The following SZT2 variants were observed in gnomAD, a reference collection of about 807,000 sequenced individuals.
SZT2 encodes the protein SZT2 subunit of KICSTOR complex, also known as KICSTOR complex protein SZT2.
Under a neutral mutation model 404.2 loss-of-function variants are expected in SZT2, and 216 were observed. The observed-to-expected ratio is 0.53, with a 90% CI of 0.48 to 0.60. The LOEUF (loss-of-function observed/expected upper bound fraction) is 0.60. SZT2 is among the 20% of genes least tolerant of loss of function. SZT2 has a pLI of 0.00. For synonymous variants in SZT2, 1,693 were observed against 1,749.9 expected, an observed-to-expected ratio of 0.97 and a Z score of 0.81; for missense variants, 3,857 against 4,459.2, an observed-to-expected ratio of 0.86 and a Z score of 3.85.
At position 43,403,243 on chromosome 1, in the gene SZT2, C is replaced by T. The variant is rs762631966; in HGVS notation, c.94C>T (p.Leu32=). 4.3e-6 allele frequency: 7 copies of T among 1,614,020 alleles called. No homozygotes were observed. The African/African-American group carries it at 6.7e-5, about 15-fold the overall frequency. The part of the protein sequence containing the change: ...KDYRISRNVR[L]AWFLSHLHQT... ...TTATCGAATCTCCCGAAATGTTCGC[C>T]TGGCTTGGTTCCTCAGTCATCTGCA... is the stretch of plus-strand genomic sequence containing the variant. The change falls in exon 2 of 72, where the codon CTG becomes TTG. Residue 32 remains leucine (L), a synonymous_variant. Coordinates refer to ENST00000634258, the MANE Select transcript of SZT2 (RefSeq NM_001365999.1).
intron 46 of SZT2, 119 bp downstream of exon 46, chr1:43,438,021 C>G (rs2153935129): frequency 1.9e-6 from 2 of 1,061,894 alleles, no homozygotes; most frequent in Admixed American, 4.0e-5. Context: ...AGCCCAAGAC[C>G]TGACACATGT....
In SZT2 at chr1:43,431,259, G is replaced by C; in HGVS notation, c.4917-6G>C. 6.2e-7 allele frequency: 1 copy of C among 1,604,276 alleles called. No homozygotes were observed. Among genetic ancestry groups the C allele is most frequent in the Non-Finnish European group, 8.5e-7 (1 of 1,174,910 alleles). On this transcript the variant is annotated splice_region_variant and splice_polypyrimidine_tract_variant and intron_variant, in intron 33 of 71. Coordinates refer to ENST00000634258, the MANE Select transcript of SZT2 (RefSeq NM_001365999.1). ...CTGACCTTTGACTTGTTCCCACCCT[G>C]TTCAGGTCAACATCTGAAAGCAGTG...
intron 70 of SZT2, 121 bp from the exon 71 acceptor site, chr1:43,449,982 A>T: frequency 8.4e-7 from 1 of 1,188,910 alleles, no homozygotes; most frequent in South Asian, 1.3e-5. Context: ...ATGTGACCTC[A>T]GGGTGCAGGC....
Position 43,426,429 on chromosome 1 carries a change from G to C in SZT2, c.3105G>C (p.Leu1035=). The C allele has an allele frequency of 6.3e-7, 1 of 1,595,274 alleles. No homozygotes were observed. The highest frequency in any genetic ancestry group is 8.5e-7 in the Non-Finnish European group (1 of 1,178,514). ...CTGCCAACGACATGGTGCTGTGCCTGCTGCACAGCTGCCTGGGGCAGGAGC... is the reference window on the plus strand; with the variant it reads ...CTGCCAACGACATGGTGCTGTGCCTCCTGCACAGCTGCCTGGGGCAGGAGC... ...SCPANDMVLC[L]LHSCLGQELS... is the part of the protein sequence containing the mutation. Residue 1035 remains leucine, a synonymous_variant, in exon 22 of 72, where the codon CTG becomes CTC. Coordinates refer to ENST00000634258, the MANE Select transcript of SZT2 (RefSeq NM_001365999.1). The surrounding 1 kb of genome is among the most constrained non-coding windows in gnomAD (Gnocchi z 4.9).
chr1:43,408,052 T>C (rs1206904148), intron 4 of SZT2, among the ~76,000 whole-genome samples: 1 of 152,086 alleles, frequency 6.6e-6, no homozygotes, highest in African/African-American at 2.4e-5. Context: ...CAGGATGGTC[T>C]TGATCTCCTG....
At position 43,453,126 on chromosome 1, in the gene SZT2, A is replaced by G. The variant is rs1276532919; in HGVS notation, c.*2646A>G. The G allele has an allele frequency of 4.2e-6, 3 of 710,398 alleles. No individual in the cohort carries two copies. The highest frequency in any genetic ancestry group is 3.5e-5 in the African/African-American group (2 of 57,318). The allele number at this position is 710,398 out of a possible 1,614,324, so 44.0% of individuals were successfully genotyped here. A position where few individuals can be genotyped will look rare whatever the true frequency, so the allele number is the denominator to read the frequency against. ...CCTGTCCTCAAATGCATCACTGTAT[A>G]TATTTACTCTCCTATCTGCCTAGGC... On this transcript the variant is annotated 3_prime_UTR_variant, in exon 72 of 72. Transcript: ENST00000634258.
chr1:43,426,844 C>T lies in SZT2; in HGVS notation c.3309+35C>T. The stretch of plus-strand genomic sequence containing the variant: ...GATTCTTCTCCCTGAGCCCTTGTCA[C>T]ACTGACCTCCTTCCAGCACCACATC... On this transcript the variant is annotated intron_variant, in intron 23 of 71. Transcript: ENST00000634258. This position sits in a 1 kb window ranked among gnomAD's most constrained non-coding sequence, Gnocchi z 4.9. The T allele has an allele frequency of 6.2e-7, 1 of 1,600,728 alleles. No homozygotes were observed. The highest frequency in any genetic ancestry group is 8.5e-7 in the Non-Finnish European group (1 of 1,169,646).
chr1:43,422,007 G>A lies in SZT2; in HGVS notation c.1627-76G>A. 3.4e-6 allele frequency: 5 copies of A among 1,484,960 alleles called. No homozygotes were observed. The South Asian group carries it at 6.4e-5, about 19-fold the overall frequency. The allele number at this position is 1,484,960 out of a possible 1,614,324, so 92.0% of individuals were successfully genotyped here. A position where few individuals can be genotyped will look rare whatever the true frequency, so the allele number is the denominator to read the frequency against. On this transcript the variant is annotated intron_variant, in intron 11 of 71. Coordinates refer to ENST00000634258, the MANE Select transcript of SZT2 (RefSeq NM_001365999.1). Reference sequence around the variant, plus strand: ...GACTCTCTGAACGGAGTCCACCCATGGTTTTGTTTGCTCTTTGGAGTTTGT... The same window carrying A: ...GACTCTCTGAACGGAGTCCACCCATAGTTTTGTTTGCTCTTTGGAGTTTGT...
intron 4 of SZT2, chr1:43,409,344 GGGAAGGAA>G (rs1430617891): frequency 3.9e-6 from 1 of 254,052 alleles, no homozygotes; most frequent in African/African-American, 2.3e-5. Context: ...TGAGGGTAAA[GGGAAGGAA>G]GGAGCATTCA....
At chr1:43,422,433 A>G (rs766490041) in intron 12 of SZT2, 47 bp from the exon 13 acceptor site, 38 of 1,525,032 alleles carry the variant, frequency 2.5e-5, no homozygotes, top group Non-Finnish European at 3.2e-5. Context: ...CTTTTCTCCA[A>G]GCCTGGGGCC....
chr1:43,403,528 T>C, intron 2 of SZT2, 73 bp from the exon 3 acceptor site: 2 of 1,533,114 alleles, frequency 1.3e-6, no homozygotes, highest in East Asian at 2.3e-5. Context: ...TCATTTGGGA[T>C]ATAGAAGGCA....
At chr1:43,429,425 T>A (rs1298282451) in intron 28 of SZT2, 1 of 363,754 alleles carries the variant, frequency 2.7e-6, no homozygotes, top group Admixed American at 3.9e-5. Context: ...TCCCAGCTAC[T>A]CAGAAGGCAA....
chr1:43,445,832 G>A (rs1655595396), intron 62 of SZT2, 62 bp from the exon 63 acceptor site: 1 of 1,501,012 alleles, frequency 6.7e-7, no homozygotes, highest in Non-Finnish European at 9.3e-7. Context: ...TTCTGGGTCT[G>A]ATCACCATGA....
intron 1 of SZT2, among the ~76,000 whole-genome samples, chr1:43,399,664 T>C (rs1300253649): frequency 6.6e-6 from 1 of 152,014 alleles, no homozygotes; most frequent in Non-Finnish European, 1.5e-5. Flanking sequence ...GGTTTCGCTG[T>C]GTTAGCCAGG....
chr1:43,437,610 C>T lies in SZT2; in HGVS notation c.6306C>T (p.Ser2102=). ...AVYYLRLLET[S]CSDRPWKGDA... The stretch of plus-strand genomic sequence containing the variant: ...TCTTTCCCAGGCTCCTAGAGACATC[C>T]TGCAGTGACCGGCCATGGAAAGGGG... Residue 2102 remains serine, a synonymous_variant, in exon 45 of 72, where the codon TCC becomes TCT. Coordinates refer to ENST00000634258, the MANE Select transcript of SZT2 (RefSeq NM_001365999.1). This position sits in a 1 kb window ranked among gnomAD's most constrained non-coding sequence, Gnocchi z 5.3. The T allele has an allele frequency of 6.2e-7, 1 of 1,614,136 alleles. No homozygotes were observed. The highest frequency in any genetic ancestry group is 8.5e-7 in the Non-Finnish European group (1 of 1,180,006).
At chr1:43,430,233 G>C in intron 30 of SZT2, 78 bp from the exon 31 acceptor site, 2 of 1,576,260 alleles carry the variant, frequency 1.3e-6, no homozygotes, top group Non-Finnish European at 1.7e-6. Flanking sequence ...TCTAAGGCAA[G>C]ACAAGTGTAA....
chr1:43,410,635 G>A (rs1180698536), intron 4 of SZT2: 3 of 149,534 alleles, frequency 2.0e-5, no homozygotes, highest in African/African-American at 7.4e-5. Flanking sequence ...TTGGAGAAAC[G>A]CTCCATGACA....
At chr1:43,434,524 A>G in intron 41 of SZT2, 39 bp downstream of exon 41, 49 of 1,502,924 alleles carry the variant, frequency 3.3e-5, no homozygotes, top group Non-Finnish European at 4.4e-5. Context: ...CACACAGAGC[A>G]GATGAGAACC....
chr1:43,412,616 C>T lies in SZT2; in HGVS notation c.499-2466C>T, dbSNP rs1051222158. 7.2e-5 allele frequency: 11 copies of T among 152,228 alleles called. No homozygotes were observed. In the East Asian group the frequency reaches 2.1e-3, roughly 29 times the overall value. The allele number at this position is 152,228 out of a possible 1,614,324, so 9.4% of individuals were successfully genotyped here. The stretch of plus-strand genomic sequence containing the variant: ...ATTTATTGATAATACCCTGCAAGCA[C>T]AAGCGTGCAAAGCAAAAATGGACAA... On this transcript the variant is annotated intron_variant, in intron 4 of 71. Transcript: ENST00000634258.
Sources: gnomAD v4.1 joint callset for allele counts (sites outside exome capture counted in the v4.1 genomes callset) on GRCh38, gnomAD v4.1.1 for gene constraint, Gnocchi (gnomAD v3.1) non-coding constraint, MANE v1.5 for transcripts, NCBI Gene and HGNC (gene_info 2026-07-23, HGNC 2026-07-21) for gene names.